Variants in IMMP2L observed in about 807,000 individuals in gnomAD.
The protein encoded by IMMP2L is mitochondrial inner membrane protease subunit 2.
A neutral mutation model predicts 19.3 loss-of-function variants in IMMP2L; 18 were observed. The observed-to-expected ratio is 0.93, with a 90% CI of 0.64 to 1.38. The LOEUF (loss-of-function observed/expected upper bound fraction) is 1.38, where lower values mean the gene tolerates loss of function less well. Ranked by LOEUF, IMMP2L falls within the 40% of genes most tolerant of loss-of-function variation. The pLI, the probability that IMMP2L is intolerant of heterozygous loss-of-function variation, is 0.00. For synonymous variants in IMMP2L, 76 were observed against 73.0 expected, an observed-to-expected ratio of 1.04 and a Z score of -0.21; for missense variants, 233 against 218.2, an observed-to-expected ratio of 1.07 and a Z score of -0.43.
chr7:111,560,308 G>A (rs1389532596), intron 1 of IMMP2L, among the ~76,000 whole-genome samples: 1 of 152,048 alleles, frequency 6.6e-6, no homozygotes, highest in African/African-American at 2.4e-5. Context: ...TCTTTTAAAT[G>A]AGGCTAAATG....
chr7:111,398,964 G>C (rs963708754), intron 3 of IMMP2L, among the ~76,000 whole-genome samples: 1 of 151,182 alleles, frequency 6.6e-6, no homozygotes, highest in African/African-American at 2.4e-5. Context: ...AAATGCTGCT[G>C]AAAGAAATCA....
intron 3 of IMMP2L, among the ~76,000 whole-genome samples, chr7:111,285,743 G>A (rs37754): frequency 0.53 from 80,902 of 151,904 alleles, 21,851 homozygotes; most frequent in South Asian, 0.71. Flanking sequence ...CCAACTGTAA[G>A]TCAATTTCCT....
intron 5 of IMMP2L, among the ~76,000 whole-genome samples, chr7:110,753,753 G>GTGTGTGT (rs1233722854): frequency 9.4e-4 from 139 of 147,146 alleles, no homozygotes; most frequent in African/African-American, 2.2e-3. Context: ...GTGAGTGTGG[G>GTGTGTGT]GTGTGTGTGT....
intron 3 of IMMP2L, among the ~76,000 whole-genome samples, chr7:111,379,382 T>C (rs769799603): frequency 2.6e-5 from 4 of 151,754 alleles, no homozygotes; most frequent in Non-Finnish European, 5.9e-5. Flanking sequence ...TGCAAGATAA[T>C]AGTTGTTACA....
At chr7:110,991,494 G>C (rs1216244176) in intron 3 of IMMP2L, among the ~76,000 whole-genome samples, 4 of 152,042 alleles carry the variant, frequency 2.6e-5, no homozygotes, top group African/African-American at 9.7e-5. Flanking sequence ...GTGTGTCTTT[G>C]TCACTCCATG....
At chr7:110,748,396 T>C (rs1019024823) in intron 5 of IMMP2L, among the ~76,000 whole-genome samples, 4 of 152,102 alleles carry the variant, frequency 2.6e-5, no homozygotes, top group Non-Finnish European at 5.9e-5. Context: ...AGAAAAAAAC[T>C]ACTTTAAATT....
At chr7:110,833,646 G>A (rs951853561) in intron 5 of IMMP2L, among the ~76,000 whole-genome samples, 1 of 152,016 alleles carries the variant, frequency 6.6e-6, no homozygotes, top group Non-Finnish European at 1.5e-5. Context: ...TTAAAGCAAT[G>A]ACTTTTTTAA....
rs192590347 is a variant in IMMP2L, at chr7:110,880,559, A to G, written c.408+6034T>C. Reference sequence around the variant, plus strand: ...AATTTAATCTCAAACTTTGAATCTCAATATATTCAATAGTAGACTTTTTTT... The same window carrying G: ...AATTTAATCTCAAACTTTGAATCTCGATATATTCAATAGTAGACTTTTTTT... On this transcript the variant is annotated intron_variant, in intron 5 of 5. Coordinates refer to ENST00000405709, the MANE Select transcript of IMMP2L (RefSeq NM_032549.4). Among the ~76,000 whole-genome samples the G allele has an allele frequency of 3.2e-3, 486 of 152,162 alleles. 3 individuals are homozygous for G. The highest frequency in any genetic ancestry group is 5.2e-3 in the Non-Finnish European group (353 of 67,966).
At chr7:111,271,659 A>G (rs1226695157) in intron 3 of IMMP2L, among the ~76,000 whole-genome samples, 2 of 152,108 alleles carry the variant, frequency 1.3e-5, no homozygotes, top group Non-Finnish European at 2.9e-5. Context: ...CATTTTGACA[A>G]TCAGTGGCCC....
chr7:111,401,948 T>TA (rs1246393409), intron 3 of IMMP2L, among the ~76,000 whole-genome samples: 1 of 151,544 alleles, frequency 6.6e-6, no homozygotes, highest in Non-Finnish European at 1.5e-5. Flanking sequence ...TTCAAGGTTT[T>TA]AAAAAAATAA....
rs532389823 is a variant in IMMP2L, at chr7:110,781,009, A to G, written c.408+105584T>C. ...AGAATCTTTCAAGGAAATGGGGAAG[A>G]TGCTAGAAGTTAAGATTTTACATAT... On this transcript the variant is annotated intron_variant, in intron 5 of 5. Coordinates refer to ENST00000405709, the MANE Select transcript of IMMP2L (RefSeq NM_032549.4). 4.3e-4 allele frequency among the ~76,000 whole-genome samples: 66 copies of G among 152,100 alleles called. 2 individuals carry two copies. Among genetic ancestry groups the G allele is most frequent in the African/African-American group, 1.6e-3 (66 of 41,542 alleles).
At chr7:110,794,666 T>A (rs1800740243) in intron 5 of IMMP2L, among the ~76,000 whole-genome samples, 1 of 152,022 alleles carries the variant, frequency 6.6e-6, no homozygotes, top group Non-Finnish European at 1.5e-5. Flanking sequence ...TATATGACTA[T>A]TGCTATTATC....
At chr7:111,043,458 C>T (rs761962057) in intron 3 of IMMP2L, among the ~76,000 whole-genome samples, 2 of 152,150 alleles carry the variant, frequency 1.3e-5, no homozygotes, top group African/African-American at 4.8e-5. Flanking sequence ...AATACATAAA[C>T]TTTAAATGAG....
At chr7:111,526,309 A>G (rs1293952507) in intron 1 of IMMP2L, among the ~76,000 whole-genome samples, 1 of 149,502 alleles carries the variant, frequency 6.7e-6, no homozygotes, top group African/African-American at 2.6e-5. Context: ...AAAATTGAAT[A>G]TTTATATTGT....
chr7:111,043,159 A>G (rs574689049), intron 3 of IMMP2L, among the ~76,000 whole-genome samples: 1 of 152,338 alleles, frequency 6.6e-6, no homozygotes, highest in South Asian at 2.1e-4. Flanking sequence ...AGTAAGTCTC[A>G]AAGACAATCC....
At chr7:111,113,134 T>C (rs1250777834) in intron 3 of IMMP2L, among the ~76,000 whole-genome samples, 1 of 152,162 alleles carries the variant, frequency 6.6e-6, no homozygotes, top group Non-Finnish European at 1.5e-5. Context: ...ATTTTAAGAT[T>C]TCTGTAATAA....
chr7:110,988,157 G>A (rs1367757909), intron 3 of IMMP2L, among the ~76,000 whole-genome samples: 1 of 152,158 alleles, frequency 6.6e-6, no homozygotes, highest in Admixed American at 6.5e-5. Context: ...CACTAAAAAT[G>A]CACAATAGCT....
At chr7:111,558,137 C>A (rs143599034) in intron 1 of IMMP2L, among the ~76,000 whole-genome samples, 1,612 of 152,190 alleles carry the variant, frequency 0.011, 33 homozygotes, top group African/African-American at 0.036. Flanking sequence ...AACAGAGAAG[C>A]CAGAGAAAAA....
intron 3 of IMMP2L, among the ~76,000 whole-genome samples, chr7:111,202,758 T>A (rs1422367349): frequency 1.3e-5 from 2 of 152,164 alleles, no homozygotes; most frequent in Admixed American, 6.5e-5. Context: ...ATGAACTCTA[T>A]CTAGTTGACC....
Sources: gnomAD v4.1 joint callset for allele counts (sites outside exome capture counted in the v4.1 genomes callset) on GRCh38, gnomAD v4.1.1 for gene constraint, MANE v1.5 for transcripts, NCBI Gene and HGNC (gene_info 2026-07-23, HGNC 2026-07-21) for gene names.